Variants in STPG1 observed in about 807,000 individuals in gnomAD.
STPG1 encodes sperm tail PG-rich repeat containing 1, also known as O(6)-methylguanine-induced apoptosis 2.
STPG1 carries 33 observed loss-of-function variants against 40.1 expected under a neutral mutation model. That is an observed-to-expected ratio of 0.82 (90% CI 0.62 to 1.10). The LOEUF (loss-of-function observed/expected upper bound fraction) is 1.10, where lower values mean the gene tolerates loss of function less well. STPG1 is among the 50% of genes least tolerant of loss of function. The pLI, the probability that STPG1 is intolerant of heterozygous loss-of-function variation, is 0.00. For missense variants in STPG1, 396 were observed against 415.1 expected, an observed-to-expected ratio of 0.95 and a Z score of 0.40; for synonymous variants, 150 against 155.0, an observed-to-expected ratio of 0.97 and a Z score of 0.24.
intron 2 of STPG1, among the ~76,000 whole-genome samples, chr1:24,395,820 G>A (rs988400893): frequency 6.6e-6 from 1 of 151,912 alleles, no homozygotes; most frequent in Non-Finnish European, 1.5e-5. Context: ...ACTTTGGGAG[G>A]CCTCCTCACC....
At chr1:24,395,428 A>ATTTTTTTTTTTTTTTTTTTT (rs71577706) in intron 2 of STPG1, among the ~76,000 whole-genome samples, 2 of 128,076 alleles carry the variant, frequency 1.6e-5, no homozygotes, top group African/African-American at 6.0e-5. Context: ...AAATTGAACA[A>ATTTTTTTTTTTTTTTTTTTT]TTTTTTTTTT....
At chr1:24,388,734 T>C (rs1280272615) in intron 3 of STPG1, among the ~76,000 whole-genome samples, 1 of 152,230 alleles carries the variant, frequency 6.6e-6, no homozygotes, top group East Asian at 1.9e-4. Context: ...TAATTTGTAT[T>C]GCCTCACTAA....
chr1:24,370,862 C>G (rs972259501), intron 6 of STPG1, among the ~76,000 whole-genome samples: 1 of 151,202 alleles, frequency 6.6e-6, no homozygotes, highest in Non-Finnish European at 1.5e-5. Context: ...CTCAAGCAAT[C>G]CCCCCACCTC....
chr1:24,370,979 C>T (rs1355551699), intron 6 of STPG1, among the ~76,000 whole-genome samples: 2 of 152,088 alleles, frequency 1.3e-5, no homozygotes, highest in South Asian at 2.1e-4. Context: ...CCAAAGCCCA[C>T]ACTTCCCCAC....
rs184299537 is a variant in STPG1, at chr1:24,357,806, G to A, written c.*737C>T. On this transcript the variant is annotated 3_prime_UTR_variant, in exon 9 of 9. Coordinates refer to ENST00000337248, the MANE Select transcript of STPG1 (RefSeq NM_001199013.2). The stretch of plus-strand genomic sequence containing the variant: ...GCTATCAGGCCTAGACAGGCCATGT[G>A]GACTCCATGGAAGGGCCTGTAAGCC... The A allele has an allele frequency of 1.1e-5, 3 of 268,540 alleles. No individual in the cohort carries two copies. The highest frequency in any genetic ancestry group is 6.6e-5 in the African/African-American group (3 of 45,764). The allele number at this position is 268,540 out of a possible 1,614,324, so 16.6% of individuals were successfully genotyped here.
Position 24,391,561 on chromosome 1 carries a change from C to A in STPG1, c.189G>T (p.Lys63Asn). The change falls in exon 3 of 9, where the codon AAG (lysine) becomes AAT (asparagine). Residue 63 changes from lysine to asparagine, a missense_variant and splice_region_variant. Transcript: ENST00000337248. ...NSQAKRFPHK[K>N]NDIPGPGFYN... is the part of the protein sequence containing the mutation. ...AGAACCCCTGAGACAACGTCATTAC[C>A]TTCTTATGAGGAAATCTCTTGGCTT... 6.6e-7 allele frequency: 1 copy of A among 1,514,652 alleles called. No individual in the cohort carries two copies. The highest frequency in any genetic ancestry group is 9.0e-7 in the Non-Finnish European group (1 of 1,115,034). The allele number at this position is 1,514,652 out of a possible 1,614,324, so 93.8% of individuals were successfully genotyped here. A position where few individuals can be genotyped will look rare whatever the true frequency, so the allele number is the denominator to read the frequency against.
At chr1:24,364,172 C>G in intron 7 of STPG1, 2 of 1,487,010 alleles carry the variant, frequency 1.3e-6, no homozygotes, top group Non-Finnish European at 9.0e-7. Context: ...TTGACGTTCT[C>G]ACTTTCTTCC....
At chr1:24,413,446 T>C (rs1643834806) in intron 1 of STPG1, among the ~76,000 whole-genome samples, 1 of 152,134 alleles carries the variant, frequency 6.6e-6, no homozygotes, top group African/African-American at 2.4e-5. Flanking sequence ...CAAGCCCCAG[T>C]TGTCACCACT....
intron 2 of STPG1, among the ~76,000 whole-genome samples, chr1:24,400,144 T>C (rs879268202): frequency 3.9e-5 from 6 of 152,176 alleles, no homozygotes; most frequent in Admixed American, 6.5e-5. Context: ...AGTAGTAGAA[T>C]AGATAAATAA....
intron 7 of STPG1, among the ~76,000 whole-genome samples, chr1:24,367,283 C>T (rs575442995): frequency 1.3e-5 from 2 of 152,264 alleles, no homozygotes; most frequent in Non-Finnish European, 2.9e-5. Context: ...AAAATAAGAA[C>T]GATCTCAAAC....
At chr1:24,371,665 C>G (rs1176865295) in intron 6 of STPG1, among the ~76,000 whole-genome samples, 1 of 151,804 alleles carries the variant, frequency 6.6e-6, no homozygotes, top group Admixed American at 6.6e-5. Context: ...ATTTACAATA[C>G]TGGATAACTA....
At chr1:24,375,854 C>T (rs1390080722) in intron 5 of STPG1, among the ~76,000 whole-genome samples, 2 of 152,092 alleles carry the variant, frequency 1.3e-5, no homozygotes, top group Non-Finnish European at 2.9e-5. Flanking sequence ...TGGAAGATTT[C>T]CCCATGGGGC....
chr1:24,401,251 A>C, intron 2 of STPG1, 68 bp downstream of exon 2: 1 of 1,428,168 alleles, frequency 7.0e-7, no homozygotes, highest in South Asian at 1.2e-5. Flanking sequence ...ATTCCCCCCA[A>C]ATTTGCTCTT....
At chr1:24,371,517 G>C (rs931308901) in intron 6 of STPG1, among the ~76,000 whole-genome samples, 3 of 151,534 alleles carry the variant, frequency 2.0e-5, no homozygotes, top group Non-Finnish European at 2.9e-5. Context: ...CTTGAACCCA[G>C]GAGGCGAAGG....
intron 1 of STPG1, among the ~76,000 whole-genome samples, chr1:24,407,811 T>C (rs1643472684): frequency 1.3e-5 from 2 of 152,240 alleles, no homozygotes; most frequent in African/African-American, 4.8e-5. Flanking sequence ...ATTGTATTTT[T>C]TCTTTCTAGA....
At chr1:24,391,211 A>AT (rs57271648) in intron 3 of STPG1, 3,162 of 159,428 alleles carry the variant, frequency 0.02, 133 homozygotes, top group African/African-American at 0.072. Context: ...GATGGGGAAG[A>AT]TTTTTTTTTA....
intron 5 of STPG1, among the ~76,000 whole-genome samples, chr1:24,374,098 C>G (rs1016668321): frequency 4.6e-5 from 7 of 152,142 alleles, no homozygotes; most frequent in African/African-American, 1.7e-4. Flanking sequence ...CTGCTAAGGA[C>G]AGGCTGTGTG....
chr1:24,410,185 C>T (rs1377369541), intron 1 of STPG1, among the ~76,000 whole-genome samples: 1 of 152,234 alleles, frequency 6.6e-6, no homozygotes, highest in Non-Finnish European at 1.5e-5. Flanking sequence ...GTATTATCCA[C>T]TGTTTCACTG....
rs1194202313 is a variant in STPG1, at chr1:24,360,976, C to T, written c.803G>A (p.Gly268Asp). Residue 268 changes from glycine (G) to aspartate (D), a missense_variant, in exon 8 of 9, where the codon GGT (glycine) becomes GAT (aspartate). Coordinates refer to ENST00000337248, the MANE Select transcript of STPG1 (RefSeq NM_001199013.2). ...GTCCACGATCTCATACTGACCAGGA[C>T]CTGGGAAAGGTGGCTTCGGAGGCAG... ...SPLPPKPPFP[G>D]PGQYEIVDYL... 1.2e-6 allele frequency: 2 copies of T among 1,613,634 alleles called. No homozygotes were observed. Among genetic ancestry groups the T allele is most frequent in the Non-Finnish European group, 8.5e-7 (1 of 1,179,918 alleles).
Sources: allele counts gnomAD v4.1 joint callset (sites outside exome capture counted in the v4.1 genomes callset), GRCh38; gene constraint gnomAD v4.1.1; transcripts MANE v1.5; gene names NCBI Gene and HGNC (gene_info 2026-07-23, HGNC 2026-07-21).